Variants in LRRC18 observed in about 807,000 individuals in gnomAD.
LRRC18 encodes the protein leucine rich repeat containing 18.
In LRRC18, 12 loss-of-function variants were observed where a neutral mutation model predicts 11.2. The observed-to-expected ratio is 1.07, with a 90% CI of 0.69 to 1.74. LRRC18 has a LOEUF of 1.74. LRRC18 is among the 40% of genes most tolerant of loss of function. The pLI is 0.00. For missense variants in LRRC18, 374 were observed against 330.5 expected, an observed-to-expected ratio of 1.13 and a Z score of -1.02; for synonymous variants, 155 against 130.6, an observed-to-expected ratio of 1.19 and a Z score of -1.27.
the LRRC18 span, among the ~76,000 whole-genome samples, chr10:48,930,122 T>G: frequency 6.6e-6 from 1 of 152,160 alleles, no homozygotes; most frequent in Non-Finnish European, 1.5e-5. Context: ...GTTTAATAGA[T>G]ACAGTCTAAG....
chr10:48,909,998 A>G, exon 2 of LRRC18: 3 of 538,256 alleles, frequency 5.6e-6, no homozygotes, highest in Non-Finnish European at 6.6e-6. Context: ...ATTTTTTTCT[A>G]TATACATTTT....
chr10:48,928,030 T>C, the LRRC18 span, among the ~76,000 whole-genome samples: 1 of 152,170 alleles, frequency 6.6e-6, no homozygotes, highest in Non-Finnish European at 1.5e-5. Flanking sequence ...TTGAAGCTCA[T>C]GAGGTGAGCA....
the LRRC18 span, among the ~76,000 whole-genome samples, chr10:48,933,224 T>G: frequency 6.6e-6 from 1 of 152,170 alleles, no homozygotes; most frequent in Non-Finnish European, 1.5e-5. Flanking sequence ...AGGCTGGAAC[T>G]GCTAGAGGGG....
At chr10:48,911,247 A>G (rs532824155) in intron 1 of LRRC18, among the ~76,000 whole-genome samples, 2 of 152,330 alleles carry the variant, frequency 1.3e-5, no homozygotes, top group South Asian at 4.1e-4. Context: ...TTCAGACAGT[A>G]GGTGAAGAGA....
the LRRC18 span, among the ~76,000 whole-genome samples, chr10:48,920,562 A>G: frequency 6.6e-6 from 1 of 152,252 alleles, no homozygotes; most frequent in South Asian, 2.1e-4. Flanking sequence ...AGCTAGTATC[A>G]TACTTCGTGA....
the LRRC18 span, among the ~76,000 whole-genome samples, chr10:48,933,435 C>A: frequency 1.3e-5 from 2 of 152,224 alleles, no homozygotes; most frequent in African/African-American, 2.4e-5. Flanking sequence ...CTTTTCCATA[C>A]AAGCTTGGCT....
chr10:48,919,837 G>A, the LRRC18 span, among the ~76,000 whole-genome samples: 1 of 151,568 alleles, frequency 6.6e-6, no homozygotes, highest in Admixed American at 6.6e-5. Flanking sequence ...CAATTGCAAA[G>A]ACATACTAGC....
chr10:48,936,784 G>A, the LRRC18 span, among the ~76,000 whole-genome samples: 1 of 149,274 alleles, frequency 6.7e-6, no homozygotes, highest in Non-Finnish European at 1.5e-5. Flanking sequence ...GTTGCAGTGA[G>A]CCGAGATCGC....
chr10:48,935,903 CT>C, the LRRC18 span, among the ~76,000 whole-genome samples: 415 of 149,386 alleles, frequency 2.8e-3, 1 homozygote, highest in African/African-American at 9.7e-3. Context: ...CATCTATGGT[CT>C]TTTTTTTTTC....
upstream of LRRC18, among the ~76,000 whole-genome samples, chr10:48,918,726 C>T (rs942150906): frequency 6.7e-6 from 1 of 149,606 alleles, no homozygotes; most frequent in African/African-American, 2.5e-5. Context: ...CATTTTAGAC[C>T]AGGTAATTAT....
At chr10:48,925,708 GGGATGATGGCA>G in the LRRC18 span, among the ~76,000 whole-genome samples, 1 of 152,150 alleles carries the variant, frequency 6.6e-6, no homozygotes, top group East Asian at 1.9e-4. Context: ...AGCTGATGGA[GGGATGATGGCA>G]GGAGAGATGC....
At chr10:48,919,797 A>G in the LRRC18 span, among the ~76,000 whole-genome samples, 2 of 152,224 alleles carry the variant, frequency 1.3e-5, no homozygotes, top group Admixed American at 1.3e-4. Context: ...GAGTTTCAAT[A>G]CAGATTTTTG....
chr10:48,931,188 C>G, the LRRC18 span, among the ~76,000 whole-genome samples: 1 of 152,090 alleles, frequency 6.6e-6, no homozygotes, highest in African/African-American at 2.4e-5. Context: ...TTCACTGGAG[C>G]TAGATTTGCC....
chr10:48,922,101 A>G, the LRRC18 span, among the ~76,000 whole-genome samples: 1 of 152,352 alleles, frequency 6.6e-6, no homozygotes, highest in Middle Eastern at 3.4e-3. Flanking sequence ...AATACTGTAC[A>G]GTAGTCCCCC....
exon 2 of LRRC18, chr10:48,909,968 A>G: frequency 2.0e-6 from 1 of 500,458 alleles, no homozygotes; most frequent in Non-Finnish European, 3.6e-6. Flanking sequence ...TCTATAATAT[A>G]TAATCTGTAA....
chr10:48,935,204 A>G, the LRRC18 span: 2 of 152,286 alleles, frequency 1.3e-5, no homozygotes, highest in Non-Finnish European at 2.9e-5. Flanking sequence ...CTCCTCCTCA[A>G]CTGTGAAACT....
intron 1 of LRRC18, among the ~76,000 whole-genome samples, chr10:48,911,477 C>G (rs997706568): frequency 6.6e-5 from 10 of 152,172 alleles, no homozygotes; most frequent in Non-Finnish European, 1.3e-4. Flanking sequence ...TATATAGGCT[C>G]TCATCACAAG....
chr10:48,913,508 G>T, exon 1 of LRRC18: 1 of 1,613,880 alleles, frequency 6.2e-7, no homozygotes, highest in Non-Finnish European at 8.5e-7. Flanking sequence ...TGTCCCGGGC[G>T]TTTTGGCATT....
At chr10:48,936,207 A>G in the LRRC18 span, among the ~76,000 whole-genome samples, 1 of 152,150 alleles carries the variant, frequency 6.6e-6, no homozygotes, top group Non-Finnish European at 1.5e-5. Flanking sequence ...AATAAAAACA[A>G]AACAAATCAT....
Sources: allele counts gnomAD v4.1 joint callset (sites outside exome capture counted in the v4.1 genomes callset), GRCh38; gene constraint gnomAD v4.1.1; transcripts MANE v1.5; gene names NCBI Gene and HGNC (gene_info 2026-07-23, HGNC 2026-07-21).